Variants in CELF1 observed in about 807,000 individuals in gnomAD.
CELF1 encodes 50 kDa nuclear polyadenylated RNA-binding protein.
In CELF1, 10 loss-of-function variants were observed where a neutral mutation model predicts 61.8. The observed-to-expected ratio is 0.16, with a 90% CI of 0.10 to 0.27. The LOEUF (loss-of-function observed/expected upper bound fraction) is 0.27. Among genes scored for constraint, CELF1 ranks in the 10% least tolerant of loss-of-function variants. The pLI is 1.00. For missense variants in CELF1, 380 were observed against 639.1 expected, an observed-to-expected ratio of 0.59 and a Z score of 4.37; for synonymous variants, 236 against 225.1, an observed-to-expected ratio of 1.05 and a Z score of -0.43.
At chr11:47,533,593 A>C (rs1428768693) in intron 1 of CELF1, among the ~76,000 whole-genome samples, 1 of 152,084 alleles carries the variant, frequency 6.6e-6, no homozygotes, top group Non-Finnish European at 1.5e-5. Context: ...ACCGCACTCC[A>C]GCCTGGGCTA....
chr11:47,491,301 T>A (rs1240303471), intron 3 of CELF1, among the ~76,000 whole-genome samples: 1 of 152,054 alleles, frequency 6.6e-6, no homozygotes, highest in African/African-American at 2.4e-5. Flanking sequence ...TAGCTGGGAT[T>A]ACAGGTATGC....
intron 6 of CELF1, among the ~76,000 whole-genome samples, chr11:47,484,990 T>C (rs1324668617): frequency 6.6e-6 from 1 of 152,218 alleles, no homozygotes. Flanking sequence ...ACGTCTCTTT[T>C]TATAACCAAT....
intron 1 of CELF1, among the ~76,000 whole-genome samples, chr11:47,510,861 G>T (rs112652080): frequency 6.6e-6 from 1 of 151,970 alleles, no homozygotes; most frequent in African/African-American, 2.4e-5. Flanking sequence ...TATAAGACAG[G>T]GAGCTAATAA....
chr11:47,547,090 AAAAG>A (rs1565910600), intron 1 of CELF1, among the ~76,000 whole-genome samples: 9 of 145,640 alleles, frequency 6.2e-5, no homozygotes, highest in South Asian at 4.4e-4. Flanking sequence ...AAAAAAAAAA[AAAAG>A]AAAGAAAGAA....
In CELF1 at chr11:47,468,641, A is replaced by G. The variant is rs536966048; in HGVS notation, c.*3589T>C. On this transcript the variant is annotated 3_prime_UTR_variant, in exon 15 of 15. Transcript: ENST00000687097. The stretch of plus-strand genomic sequence containing the variant: ...TTTATATTCAAATGCAAGTTTAAAT[A>G]TTTCCCCTTCAGCAGTCGTTCTAGC... The G allele has an allele frequency of 6.6e-6, 1 of 152,620 alleles. No homozygotes were observed. The highest frequency in any genetic ancestry group is 1.9e-4 in the East Asian group (1 of 5,190). The allele number at this position is 152,620 out of a possible 1,614,324, so 9.5% of individuals were successfully genotyped here. A position where few individuals can be genotyped will look rare whatever the true frequency, so the allele number is the denominator to read the frequency against.
chr11:47,506,628 T>C (rs991455199), intron 1 of CELF1, among the ~76,000 whole-genome samples: 1 of 152,170 alleles, frequency 6.6e-6, no homozygotes, highest in Non-Finnish European at 1.5e-5. Context: ...CTAGTTTTAG[T>C]GGGAGATAAG....
In CELF1 at chr11:47,473,125, A is replaced by G; in HGVS notation, c.1380T>C (p.Val460=). 1 of 1,614,130 alleles carries G rather than the reference A, an allele frequency of 6.2e-7. No individual in the cohort carries two copies. The highest frequency in any genetic ancestry group is 8.5e-7 in the Non-Finnish European group (1 of 1,180,012). The part of the protein sequence containing the change: ...MPFGNVVSAK[V]FIDKQTNLSK... ...TCAGGTTTGTCTGCTTGTCTATGAA[A>G]ACCTTGGCAGACACGACATTCCCAA... is the stretch of plus-strand genomic sequence containing the variant. The change falls in exon 14 of 15, where the codon GTT becomes GTC. Residue 460 remains valine (V), a synonymous_variant. Coordinates refer to ENST00000687097, the MANE Select transcript of CELF1 (RefSeq NM_001376376.1).
intron 10 of CELF1, chr11:47,477,655 C>A (rs1377661923): frequency 4.5e-6 from 2 of 440,936 alleles, no homozygotes; most frequent in African/African-American, 2.0e-5. Context: ...GCATACCATG[C>A]CAAGTGTACA....
chr11:47,532,296 G>A (rs1375245730), intron 1 of CELF1, among the ~76,000 whole-genome samples: 1 of 152,194 alleles, frequency 6.6e-6, no homozygotes, highest in Non-Finnish European at 1.5e-5. Flanking sequence ...AAAGTGCTGG[G>A]ATTACAGGCG....
rs567968783 is a variant in CELF1, at chr11:47,506,016, C to T, written c.-153-5084G>A. Among the ~76,000 whole-genome samples the T allele has an allele frequency of 1.1e-4, 16 of 151,126 alleles. 1 individual carries two copies. In the East Asian group the frequency reaches 1.5e-3, roughly 15 times the overall value. On this transcript the variant is annotated intron_variant, in intron 1 of 14. Coordinates refer to ENST00000687097, the MANE Select transcript of CELF1 (RefSeq NM_001376376.1). ...TACGTGCATGGAATCTACTAAGTTCCGTCCTCATCTCTGTTCCAGTGGTGT... is the reference window on the plus strand; with the variant it reads ...TACGTGCATGGAATCTACTAAGTTCTGTCCTCATCTCTGTTCCAGTGGTGT...
intron 6 of CELF1, among the ~76,000 whole-genome samples, chr11:47,484,726 T>G (rs2085565788): frequency 6.6e-6 from 1 of 152,240 alleles, no homozygotes; most frequent in Non-Finnish European, 1.5e-5. Flanking sequence ...TTGCCCAGGC[T>G]GGAGTGTAAT....
chr11:47,547,491 A>G (rs1196557332), intron 1 of CELF1, among the ~76,000 whole-genome samples: 4 of 152,066 alleles, frequency 2.6e-5, no homozygotes, highest in Non-Finnish European at 4.4e-5. Context: ...CAGCCTGGCC[A>G]AAATGGTGAA....
intron 3 of CELF1, among the ~76,000 whole-genome samples, chr11:47,493,513 G>GAAAAAAAAAAAAAA (rs35976407): frequency 1.2e-5 from 1 of 84,912 alleles, no homozygotes. Flanking sequence ...ATCTCAAAAA[G>GAAAAAAAAAAAAAA]AAAAAAAAAA....
chr11:47,545,352 C>T (rs1254703394), intron 1 of CELF1, among the ~76,000 whole-genome samples: 1 of 152,030 alleles, frequency 6.6e-6, no homozygotes, highest in Admixed American at 6.6e-5. Flanking sequence ...ATTGCTTGAA[C>T]CCCTCCCAGC....
intron 1 of CELF1, among the ~76,000 whole-genome samples, chr11:47,535,048 G>A (rs2096593804): frequency 6.6e-6 from 1 of 151,998 alleles, no homozygotes. Flanking sequence ...TCTTTCCATA[G>A]ATCTAGCTTA....
At chr11:47,520,576 G>A (rs557030366) in intron 1 of CELF1, among the ~76,000 whole-genome samples, 1 of 152,242 alleles carries the variant, frequency 6.6e-6, no homozygotes, top group Admixed American at 6.5e-5. Context: ...GGGAAGCCGA[G>A]GTGGGCAGAT....
At chr11:47,475,620 T>TTC in intron 12 of CELF1, 99 bp from the exon 13 acceptor site, 1 of 1,186,424 alleles carries the variant, frequency 8.4e-7, no homozygotes, top group Non-Finnish European at 1.2e-6. Context: ...AACTCCAAAG[T>TTC]TCTCCCCTTT....
chr11:47,536,077 A>G (rs2096622485), intron 1 of CELF1, among the ~76,000 whole-genome samples: 1 of 152,086 alleles, frequency 6.6e-6, no homozygotes, highest in Admixed American at 6.5e-5. Flanking sequence ...GTTTGTTTTT[A>G]AATAGTTTCT....
intron 3 of CELF1, chr11:47,496,001 CACCCACCCTTATACA>C: frequency 1.0e-6 from 1 of 985,224 alleles, no homozygotes; most frequent in African/African-American, 1.7e-5. Flanking sequence ...CTTCTGCTAC[CACCCACCCTTATACA>C]AGGTCCCTCT....
Sources: gnomAD v4.1 joint callset for allele counts (sites outside exome capture counted in the v4.1 genomes callset) on GRCh38, gnomAD v4.1.1 for gene constraint, MANE v1.5 for transcripts, NCBI Gene and HGNC (gene_info 2026-07-23, HGNC 2026-07-21) for gene names.